FBXL7: variants seen among roughly 807,000 people sequenced by gnomAD.
The protein encoded by FBXL7 is F-box/LRR-repeat protein 7.
FBXL7 carries 12 observed loss-of-function variants against 38.3 expected under a neutral mutation model. The observed-to-expected ratio is 0.31, with a 90% CI of 0.20 to 0.51. FBXL7 has a LOEUF of 0.51. Ranked by LOEUF, FBXL7 falls within the 20% of genes least tolerant of loss-of-function variation. The pLI is 0.98. For synonymous variants in FBXL7, 297 were observed against 300.9 expected (o/e 0.99, Z 0.13); for missense variants, 567 against 676.4 (o/e 0.84, Z 1.79).
chr5:15,722,660 T>C (rs927821392), intron 2 of FBXL7, among the ~76,000 whole-genome samples: 1 of 152,192 alleles, frequency 6.6e-6, no homozygotes, highest in Admixed American at 6.5e-5. Context: ...CCTTTGCTCA[T>C]GTCTGTAATC....
chr5:15,597,262 C>T (rs1360652929), intron 1 of FBXL7, among the ~76,000 whole-genome samples: 1 of 152,092 alleles, frequency 6.6e-6, no homozygotes, highest in Non-Finnish European at 1.5e-5. Context: ...CCAGAAGTCA[C>T]AGAAGCAACT....
At chr5:15,895,744 C>T (rs989422323) in intron 2 of FBXL7, among the ~76,000 whole-genome samples, 27 of 146,620 alleles carry the variant, frequency 1.8e-4, no homozygotes, top group African/African-American at 5.5e-4. Context: ...CCTGGGTTCA[C>T]GCCATTCTCC....
chr5:15,844,999 A>G (rs1036099465), intron 2 of FBXL7, among the ~76,000 whole-genome samples: 14 of 152,312 alleles, frequency 9.2e-5, no homozygotes, highest in East Asian at 3.9e-4. Context: ...CCTTCTTTGC[A>G]TAGGACACGT....
chr5:15,591,200 C>A (rs1252331287), intron 1 of FBXL7, among the ~76,000 whole-genome samples: 1 of 151,948 alleles, frequency 6.6e-6, no homozygotes, highest in Non-Finnish European at 1.5e-5. Flanking sequence ...GAGGCCGAGG[C>A]GGGTGGATCA....
chr5:15,667,809 T>G (rs1025782441), intron 2 of FBXL7, among the ~76,000 whole-genome samples: 14 of 152,198 alleles, frequency 9.2e-5, no homozygotes, highest in African/African-American at 3.4e-4. Context: ...CATATTATTT[T>G]CTTTCTAGTC....
At chr5:15,737,545 G>A (rs2126670895) in intron 2 of FBXL7, among the ~76,000 whole-genome samples, 1 of 152,220 alleles carries the variant, frequency 6.6e-6, no homozygotes, top group East Asian at 1.9e-4. Context: ...ATGTTGGAAG[G>A]GCATTGCTTC....
chr5:15,541,441 G>GTATA (rs35405191), intron 1 of FBXL7, among the ~76,000 whole-genome samples: 882 of 53,074 alleles, frequency 0.017, 5 homozygotes, highest in Admixed American at 0.026. Flanking sequence ...ATGTGTGTGT[G>GTATA]TGTATATATA....
intron 1 of FBXL7, among the ~76,000 whole-genome samples, chr5:15,570,546 C>T (rs997032115): frequency 2.0e-5 from 3 of 151,948 alleles, no homozygotes; most frequent in African/African-American, 7.3e-5. Context: ...TTGTGCTTTT[C>T]TGCTGAATAT....
intron 2 of FBXL7, among the ~76,000 whole-genome samples, chr5:15,795,535 A>G (rs1208084934): frequency 1.3e-5 from 2 of 152,196 alleles, no homozygotes; most frequent in Non-Finnish European, 2.9e-5. Flanking sequence ...TACCTTTTTA[A>G]TGAGGTAAAC....
chr5:15,657,442 G>A (rs545641023), intron 2 of FBXL7, among the ~76,000 whole-genome samples: 30 of 152,266 alleles, frequency 2.0e-4, no homozygotes, highest in African/African-American at 6.7e-4. Flanking sequence ...AGATAATTTA[G>A]CATATAATTA....
chr5:15,555,822 G>GATA (rs1738212477), intron 1 of FBXL7, among the ~76,000 whole-genome samples: 1 of 150,930 alleles, frequency 6.6e-6, no homozygotes, highest in African/African-American at 2.4e-5. Context: ...TAGATAGATA[G>GATA]GTGATAGATG....
chr5:15,936,961 C>T lies in FBXL7; in HGVS notation c.1251C>T (p.Asp417=). The T allele has an allele frequency of 1.2e-6, 2 of 1,614,054 alleles. No individual in the cohort carries two copies. Among genetic ancestry groups the T allele is most frequent in the South Asian group, 1.1e-5 (1 of 91,090 alleles). Residue 417 remains aspartate, a synonymous_variant, in exon 4 of 4, where the codon GAC becomes GAT. Transcript: ENST00000504595. The surrounding 1 kb of genome is among the most constrained non-coding windows in gnomAD (Gnocchi z 6.0). ...TCGGCAAATGCCCTTTGGTATCCGA[C>T]ACGGGCCTGGAGTGCCTGGCCCTGA... ...LDIGKCPLVS[D]TGLECLALNC... is the part of the protein sequence containing the mutation.
intron 1 of FBXL7, among the ~76,000 whole-genome samples, chr5:15,601,215 ACACTGGT>A (rs1443778156): frequency 6.6e-6 from 1 of 152,202 alleles, no homozygotes; most frequent in Non-Finnish European, 1.5e-5. Flanking sequence ...TTTAGAAAGA[ACACTGGT>A]CTTTTATTAT....
chr5:15,928,250 C>A lies in FBXL7; in HGVS notation c.488C>A (p.Thr163Asn). The change falls in exon 3 of 4, where the codon ACC becomes AAC. Residue 163 changes from threonine to asparagine, a missense_variant. Physicochemically the swap from Thr to Asn is moderately conservative, Grantham distance 65 (BLOSUM62 0). Coordinates refer to ENST00000504595, the MANE Select transcript of FBXL7 (RefSeq NM_012304.5). The surrounding 1 kb of genome is among the most constrained non-coding windows in gnomAD (Gnocchi z 4.0). ...LWRTIRLTGE[T>N]INVDRALKVL... ...AGGACTATCCGCCTGACGGGCGAGA[C>A]CATCAACGTGGACCGCGCCCTCAAG... The A allele has an allele frequency of 6.2e-7, 1 of 1,612,078 alleles. No homozygotes were observed. Among genetic ancestry groups the A allele is most frequent in the Non-Finnish European group, 8.5e-7 (1 of 1,179,128 alleles).
At chr5:15,508,418 A>G (rs544511899) in intron 1 of FBXL7, among the ~76,000 whole-genome samples, 1 of 152,346 alleles carries the variant, frequency 6.6e-6, no homozygotes, top group South Asian at 2.1e-4. Flanking sequence ...AACAAAGAAT[A>G]TACATAAGTT....
chr5:15,842,309 A>G (rs533607012), intron 2 of FBXL7, among the ~76,000 whole-genome samples: 7 of 152,302 alleles, frequency 4.6e-5, no homozygotes, highest in African/African-American at 1.7e-4. Flanking sequence ...TCAGACTTGC[A>G]TGGGACCTAT....
Position 15,551,168 on chromosome 5 carries a change from T to C in FBXL7, c.37+50455T>C, listed in dbSNP as rs550946603. Among the ~76,000 whole-genome samples, 363 of 152,272 alleles carry C rather than the reference T, an allele frequency of 2.4e-3. 2 individuals carry two copies. Among genetic ancestry groups the C allele is most frequent in the Non-Finnish European group, 1.4e-3 (98 of 68,020 alleles). ...TGTTACAACATGACAAGGGCTTTAT[T>C]AGAGAAATCACTGCCTGTGTAGGCC... On this transcript the variant is annotated intron_variant, in intron 1 of 3. Transcript: ENST00000504595.
intron 2 of FBXL7, among the ~76,000 whole-genome samples, chr5:15,787,606 A>G (rs1051209634): frequency 6.6e-6 from 1 of 152,226 alleles, no homozygotes; most frequent in Non-Finnish European, 1.5e-5. Context: ...AGTCAAATAG[A>G]GAGGTACTCT....
intron 2 of FBXL7, among the ~76,000 whole-genome samples, chr5:15,759,282 A>G (rs1736377299): frequency 6.6e-6 from 1 of 152,214 alleles, no homozygotes; most frequent in African/African-American, 2.4e-5. Context: ...TGTAAATAGT[A>G]TGGAATCCAC....
Sources: gnomAD v4.1 joint callset for allele counts (sites outside exome capture counted in the v4.1 genomes callset) on GRCh38, gnomAD v4.1.1 for gene constraint, Gnocchi (gnomAD v3.1) non-coding constraint, MANE v1.5 for transcripts, NCBI Gene and HGNC (gene_info 2026-07-23, HGNC 2026-07-21) for gene names.